The following CAPN5 variants were observed in gnomAD, a reference collection of about 807,000 sequenced individuals.
The protein encoded by CAPN5 is calpain-5.
CAPN5 carries 54 observed loss-of-function variants against 73.0 expected under a neutral mutation model. The ratio of observed to expected loss-of-function variants is 0.74; its 90% CI spans 0.59 to 0.93. The LOEUF is 0.93. CAPN5 is among the 40% of genes least tolerant of loss of function. The pLI is 0.00. For synonymous variants in CAPN5, 335 were observed against 356.9 expected (o/e 0.94, Z 0.69); for missense variants, 785 against 882.9 (o/e 0.89, Z 1.41).
At chr11:77,105,209 C>T (rs1430675897) in intron 3 of CAPN5, among the ~76,000 whole-genome samples, 2 of 151,898 alleles carry the variant, frequency 1.3e-5, no homozygotes, top group South Asian at 2.1e-4. Flanking sequence ...GCCCTGGCCT[C>T]GGTGGTGTGC....
intron 2 of CAPN5, among the ~76,000 whole-genome samples, chr11:77,085,889 C>A (rs942985985): frequency 6.6e-6 from 1 of 152,182 alleles, no homozygotes; most frequent in African/African-American, 2.4e-5. Context: ...TGAGGGTCGT[C>A]CCCTCACAAT....
intron 3 of CAPN5, 144 bp from the exon 4 acceptor site, chr11:77,112,445 C>A: frequency 1.5e-6 from 1 of 671,352 alleles, no homozygotes; most frequent in Non-Finnish European, 2.6e-6. Context: ...ATCCGGGTCT[C>A]ACGAAGGCTT....
chr11:77,084,042 T>C (rs1555034993), intron 1 of CAPN5, among the ~76,000 whole-genome samples: 1 of 152,168 alleles, frequency 6.6e-6, no homozygotes, highest in African/African-American at 2.4e-5. Flanking sequence ...GGGGCGTGGA[T>C]CATAAATGGG....
At chr11:77,109,403 C>T (rs781993170) in intron 3 of CAPN5, among the ~76,000 whole-genome samples, 4 of 152,300 alleles carry the variant, frequency 2.6e-5, no homozygotes, top group East Asian at 1.9e-4. Context: ...TGAGTTGATT[C>T]CCTACCCACC....
intron 1 of CAPN5, among the ~76,000 whole-genome samples, chr11:77,077,053 G>A (rs1380553200): frequency 6.6e-6 from 1 of 152,072 alleles, no homozygotes; most frequent in Non-Finnish European, 1.5e-5. Flanking sequence ...TATAAAAGAC[G>A]TATCTTTTGT....
intron 12 of CAPN5, 144 bp from the exon 13 acceptor site, chr11:77,123,544 G>T: frequency 1.4e-6 from 1 of 689,770 alleles, no homozygotes; most frequent in South Asian, 1.8e-5. Flanking sequence ...CGTAGTTCAT[G>T]GGGAGGCAGA....
intron 1 of CAPN5, among the ~76,000 whole-genome samples, chr11:77,075,518 G>A (rs1346454799): frequency 3.3e-5 from 5 of 152,174 alleles, no homozygotes; most frequent in African/African-American, 1.2e-4. Context: ...GACCCAGCCT[G>A]GGGCACTTTC....
At chr11:77,110,865 C>G (rs1950403903) in intron 3 of CAPN5, among the ~76,000 whole-genome samples, 1 of 152,210 alleles carries the variant, frequency 6.6e-6, no homozygotes. Context: ...AGTCTGTACA[C>G]TCAGGTGAGT....
intron 3 of CAPN5, among the ~76,000 whole-genome samples, chr11:77,104,301 C>A (rs538194219): frequency 6.6e-6 from 1 of 152,278 alleles, no homozygotes; most frequent in East Asian, 1.9e-4. Context: ...CCTCAGGTAT[C>A]CCCTGCTGGG....
chr11:77,075,236 C>T (rs971443602), intron 1 of CAPN5, among the ~76,000 whole-genome samples: 8 of 152,172 alleles, frequency 5.3e-5, no homozygotes, highest in African/African-American at 1.9e-4. Flanking sequence ...ACCATGCCAC[C>T]CTCCTCAGGG....
intron 11 of CAPN5, 149 bp downstream of exon 11, chr11:77,122,198 C>T (rs1479185742): frequency 3.4e-6 from 2 of 582,852 alleles, no homozygotes; most frequent in Non-Finnish European, 6.0e-6. Flanking sequence ...ATGCTGGGCA[C>T]ATAGAGAGGA....
Position 77,112,714 on chromosome 11 carries a change from C to A in CAPN5, c.423C>A (p.Pro141=). The change falls in exon 4 of 13, where the codon CCC becomes CCA. Residue 141 remains proline, a synonymous_variant. Transcript: ENST00000648180. ...WVDVVIDDRL[P]TVNNQLIYCH... ...ACGTGGTCATCGATGACCGGCTGCC[C>A]ACAGTCAACAACCAGCTCATCTACT... is the stretch of plus-strand genomic sequence containing the variant. 6.2e-7 allele frequency: 1 copy of A among 1,614,266 alleles called. No homozygotes were observed.
intron 1 of CAPN5, among the ~76,000 whole-genome samples, chr11:77,071,454 A>G (rs1464980255): frequency 6.6e-6 from 1 of 152,182 alleles, no homozygotes; most frequent in Admixed American, 6.5e-5. Flanking sequence ...TTGCAGGGTC[A>G]TTTGATGCTC....
chr11:77,094,738 A>G (rs1328463061), intron 3 of CAPN5, among the ~76,000 whole-genome samples: 1 of 152,166 alleles, frequency 6.6e-6, no homozygotes, highest in Non-Finnish European at 1.5e-5. Flanking sequence ...AATAAGGACA[A>G]TCGGAGTAGC....
intron 3 of CAPN5, among the ~76,000 whole-genome samples, chr11:77,097,478 T>TTTG (rs1326591385): frequency 2.8e-5 from 4 of 143,672 alleles, no homozygotes; most frequent in African/African-American, 7.8e-5. Flanking sequence ...TTTTTTTTTT[T>TTTG]TTTTTTTTTT....
rs185075683 is a variant in CAPN5 at position 77,091,943 on chromosome 11, T to C, written c.166-1739T>C. 1.6e-3 allele frequency among the ~76,000 whole-genome samples: 245 copies of C among 152,314 alleles called. 1 individual carries two copies. Among genetic ancestry groups the C allele is most frequent in the Non-Finnish European group, 2.5e-3 (172 of 68,030 alleles). On this transcript the variant is annotated intron_variant, in intron 2 of 12. Transcript: ENST00000648180. Reference sequence around the variant, plus strand: ...CTCGCAAAGTAGAAATTATTGGCCATGCACATTGGCTCAAGCCTGTCATCC... The same window carrying C: ...CTCGCAAAGTAGAAATTATTGGCCACGCACATTGGCTCAAGCCTGTCATCC...
intron 3 of CAPN5, among the ~76,000 whole-genome samples, chr11:77,105,658 C>T (rs1950338308): frequency 6.6e-6 from 1 of 152,196 alleles, no homozygotes; most frequent in Admixed American, 6.5e-5. Context: ...AGCTCCCAAC[C>T]CCCTCCCAGA....
intron 1 of CAPN5, among the ~76,000 whole-genome samples, chr11:77,077,711 C>T (rs753383246): frequency 1.2e-4 from 19 of 152,110 alleles, no homozygotes; most frequent in African/African-American, 4.6e-4. Context: ...GATGGGGTTT[C>T]GCCATGTTGA....
chr11:77,085,359 G>C (rs1950074844), intron 2 of CAPN5, among the ~76,000 whole-genome samples: 1 of 152,166 alleles, frequency 6.6e-6, no homozygotes, highest in Non-Finnish European at 1.5e-5. Context: ...AATAAAAATG[G>C]GGTGATGTGG....
Sources: gnomAD v4.1 joint callset for allele counts (sites outside exome capture counted in the v4.1 genomes callset) on GRCh38, gnomAD v4.1.1 for gene constraint, MANE v1.5 for transcripts, NCBI Gene and HGNC (gene_info 2026-07-23, HGNC 2026-07-21) for gene names.